DPP6: variants seen among roughly 807,000 people sequenced by gnomAD.
The protein encoded by DPP6 is dipeptidyl peptidase like 6.
In DPP6, 69 loss-of-function variants were observed where a neutral mutation model predicts 122.6. That is an observed-to-expected ratio of 0.56 (90% CI 0.46 to 0.69). DPP6 has a LOEUF of 0.69. Ranked by LOEUF, DPP6 falls within the 30% of genes least tolerant of loss-of-function variation. The pLI is 0.00. For missense variants in DPP6, 928 were observed against 1,116.9 expected, an observed-to-expected ratio of 0.83 and a Z score of 2.41; for synonymous variants, 418 against 433.1, an observed-to-expected ratio of 0.97 and a Z score of 0.43.
intron 5 of DPP6, among the ~76,000 whole-genome samples, chr7:154,606,427 T>C (rs1173232838): frequency 8.3e-6 from 1 of 121,110 alleles, no homozygotes; most frequent in Non-Finnish European, 1.9e-5. Context: ...GTTATATTTG[T>C]CTGCTGGGAG....
chr7:154,250,813 G>T lies in DPP6; in HGVS notation c.244-195401G>T, dbSNP rs532029842. ...TTGAAGGCATCGTGCTGGGGGTGGG[G>T]TGCGTGCTGAGGGTAATCGTTGCCT... On this transcript the variant is annotated intron_variant, in intron 1 of 25. Transcript: ENST00000377770. Among the ~76,000 whole-genome samples, 6 of 152,304 alleles carry T rather than the reference G, an allele frequency of 3.9e-5. No homozygotes were observed. In the South Asian group the frequency reaches 1.2e-3, roughly 32 times the overall value.
chr7:154,702,295 GT>G (rs1240413317), intron 7 of DPP6, among the ~76,000 whole-genome samples: 1 of 152,202 alleles, frequency 6.6e-6, no homozygotes, highest in African/African-American at 2.4e-5. Flanking sequence ...GCCTGTAAGT[GT>G]TCATAAATGG....
At chr7:154,695,241 C>G (rs1840152899) in intron 7 of DPP6, among the ~76,000 whole-genome samples, 1 of 152,138 alleles carries the variant, frequency 6.6e-6, no homozygotes, top group Non-Finnish European at 1.5e-5. Flanking sequence ...CCCCGGGTAC[C>G]TGGACCACAG....
chr7:154,824,396 CA>C (rs1397940672), intron 16 of DPP6, among the ~76,000 whole-genome samples: 3 of 152,228 alleles, frequency 2.0e-5, no homozygotes, highest in Non-Finnish European at 4.4e-5. Flanking sequence ...TCTCCTGCCT[CA>C]GCCTCCCAAG....
intron 1 of DPP6, among the ~76,000 whole-genome samples, chr7:154,256,998 CTT>C (rs66710949): frequency 0.038 from 5,095 of 132,688 alleles, 156 homozygotes; most frequent in East Asian, 0.13. Flanking sequence ...TCTTCTTCTT[CTT>C]TTTTTTTTTT....
At chr7:153,996,309 C>T (rs567816016) in intron 1 of DPP6, among the ~76,000 whole-genome samples, 1 of 152,294 alleles carries the variant, frequency 6.6e-6, no homozygotes, top group South Asian at 2.1e-4. Flanking sequence ...AACTTTATTT[C>T]AAATTATTAT....
At chr7:154,756,974 C>A (rs1261033803) in intron 8 of DPP6, among the ~76,000 whole-genome samples, 13 of 151,942 alleles carry the variant, frequency 8.6e-5, no homozygotes, top group Non-Finnish European at 1.3e-4. Flanking sequence ...ACAAGCCAGC[C>A]CCTTCTCCAT....
At chr7:154,873,943 C>T (rs976920203) in intron 19 of DPP6, among the ~76,000 whole-genome samples, 1 of 146,748 alleles carries the variant, frequency 6.8e-6, no homozygotes, top group Non-Finnish European at 1.5e-5. Context: ...CATGTGCACA[C>T]ATGCACACAC....
intron 1 of DPP6, among the ~76,000 whole-genome samples, chr7:153,982,079 A>G (rs1796617026): frequency 6.6e-6 from 1 of 152,076 alleles, no homozygotes. Context: ...CCTGAATTTG[A>G]ATGTTGGCCT....
chr7:154,843,038 C>T (rs138262924), intron 16 of DPP6, among the ~76,000 whole-genome samples: 171 of 152,330 alleles, frequency 1.1e-3, no homozygotes, highest in African/African-American at 3.8e-3. Context: ...AAGAGTGTGT[C>T]ATTAGACAAA....
intron 22 of DPP6, 35 bp downstream of exon 22, chr7:154,885,779 G>A: frequency 1.3e-6 from 2 of 1,553,894 alleles, no homozygotes; most frequent in East Asian, 2.4e-5. Context: ...GACGGGCTCT[G>A]CTCCCGCCCC....
At chr7:154,308,742 A>T (rs778326087) in intron 1 of DPP6, among the ~76,000 whole-genome samples, 3 of 152,244 alleles carry the variant, frequency 2.0e-5, no homozygotes, top group Admixed American at 1.3e-4. Flanking sequence ...TTCCCTTAAA[A>T]TAAATAAAAG....
At chr7:154,396,744 G>C (rs1490290684) in intron 1 of DPP6, among the ~76,000 whole-genome samples, 2 of 152,212 alleles carry the variant, frequency 1.3e-5, no homozygotes, top group Non-Finnish European at 2.9e-5. Context: ...AGGAGTTCAA[G>C]ACTAGCCTGG....
At chr7:154,879,218 G>A (rs1428160423) in intron 20 of DPP6, among the ~76,000 whole-genome samples, 1 of 152,126 alleles carries the variant, frequency 6.6e-6, no homozygotes, top group African/African-American at 2.4e-5. Flanking sequence ...CCAGGTGGGC[G>A]GATCACCGGA....
intron 2 of DPP6, among the ~76,000 whole-genome samples, chr7:154,467,452 C>T (rs1348944142): frequency 1.3e-5 from 2 of 152,154 alleles, no homozygotes; most frequent in African/African-American, 2.4e-5. Flanking sequence ...TTTAAAAGTG[C>T]GTAGCACCTC....
At chr7:153,803,456 C>CT in the DPP6 span, among the ~76,000 whole-genome samples, 18 of 140,028 alleles carry the variant, frequency 1.3e-4, no homozygotes, top group African/African-American at 5.2e-4. Context: ...CCTTTCTGCC[C>CT]CTGCCTACCT....
chr7:154,382,391 C>T (rs568707386), intron 1 of DPP6, among the ~76,000 whole-genome samples: 187 of 152,254 alleles, frequency 1.2e-3, no homozygotes, highest in African/African-American at 4.2e-3. Flanking sequence ...GGATTGCTGA[C>T]GGATGGTGTG....
chr7:154,018,573 C>G (rs536534844), intron 1 of DPP6, among the ~76,000 whole-genome samples: 125 of 152,336 alleles, frequency 8.2e-4, no homozygotes, highest in Middle Eastern at 3.4e-3. Context: ...CCCAGCTTGT[C>G]TGGGCTTTTC....
intron 1 of DPP6, among the ~76,000 whole-genome samples, chr7:154,326,230 G>T (rs1349107448): frequency 1.3e-5 from 2 of 152,140 alleles, no homozygotes; most frequent in Non-Finnish European, 2.9e-5. Context: ...GCATGACCCT[G>T]TGCCTAAGGT....
Sources: gnomAD v4.1 joint callset for allele counts (sites outside exome capture counted in the v4.1 genomes callset) on GRCh38, gnomAD v4.1.1 for gene constraint, MANE v1.5 for transcripts, NCBI Gene and HGNC (gene_info 2026-07-23, HGNC 2026-07-21) for gene names.